The following PPIL4 variants were observed in gnomAD, a reference collection of about 807,000 sequenced individuals.
The protein encoded by PPIL4 is peptidylprolyl isomerase like 4.
PPIL4 carries 50 observed loss-of-function variants against 69.1 expected under a neutral mutation model. That is an observed-to-expected ratio of 0.72 (90% CI 0.58 to 0.92). PPIL4 has a LOEUF of 0.92. Among genes scored for constraint, PPIL4 ranks in the 40% least tolerant of loss-of-function variants. PPIL4 has a pLI of 0.00. For missense variants in PPIL4, 480 were observed against 587.9 expected, an observed-to-expected ratio of 0.82 and a Z score of 1.90; for synonymous variants, 193 against 191.6, an observed-to-expected ratio of 1.01 and a Z score of -0.06.
chr6:149,513,059 A>G (rs921515205), intron 11 of PPIL4, among the ~76,000 whole-genome samples: 2 of 150,124 alleles, frequency 1.3e-5, no homozygotes, highest in Non-Finnish European at 3.0e-5. Context: ...TTAAATTCTA[A>G]TAAGAATTTA....
At chr6:149,533,436 T>C (rs1190557958) in intron 7 of PPIL4, 22 bp downstream of exon 7, 2 of 1,273,300 alleles carry the variant, frequency 1.6e-6, no homozygotes, top group Non-Finnish European at 2.3e-6. Flanking sequence ...CAGAACAATT[T>C]GAACAAAGAT....
chr6:149,530,956 C>T (rs1284646617), intron 7 of PPIL4, among the ~76,000 whole-genome samples: 1 of 152,188 alleles, frequency 6.6e-6, no homozygotes, highest in Non-Finnish European at 1.5e-5. Context: ...CAATGAATAT[C>T]GTACACCTCC....
At chr6:149,510,051 C>T (rs1007714059) in intron 12 of PPIL4, among the ~76,000 whole-genome samples, 1 of 152,000 alleles carries the variant, frequency 6.6e-6, no homozygotes, top group African/African-American at 2.4e-5. Flanking sequence ...TGAGCCACTG[C>T]ACCTGGCCTA....
At chr6:149,536,738 CAAAAAAA>C (rs750303522) in intron 4 of PPIL4, among the ~76,000 whole-genome samples, 1 of 102,312 alleles carries the variant, frequency 9.8e-6, no homozygotes, top group Non-Finnish European at 2.2e-5. Context: ...TACTCCATCT[CAAAAAAA>C]AAAAAAAAAG....
Position 149,507,503 on chromosome 6 carries a change from T to G in PPIL4, c.1228-1799A>C, listed in dbSNP as rs1005549666. Among the ~76,000 whole-genome samples, 25 of 152,224 alleles carry G rather than the reference T, an allele frequency of 1.6e-4. No homozygotes were observed. In the East Asian group the frequency reaches 4.6e-3, roughly 28 times the overall value. On this transcript the variant is annotated intron_variant, in intron 12 of 12. Coordinates refer to ENST00000253329, the MANE Select transcript of PPIL4 (RefSeq NM_139126.4). Reference sequence around the variant, plus strand: ...CTATAACATATACAAAATAGAAATATTCATATACTATTATATCTGTACATC... The same window carrying G: ...CTATAACATATACAAAATAGAAATAGTCATATACTATTATATCTGTACATC...
intron 9 of PPIL4, 53 bp from the exon 10 acceptor site, chr6:149,521,224 T>C: frequency 9.7e-7 from 1 of 1,035,966 alleles, no homozygotes; most frequent in Non-Finnish European, 1.5e-6. Flanking sequence ...AAGATTTCTG[T>C]AGCTAGAATA....
intron 11 of PPIL4, among the ~76,000 whole-genome samples, chr6:149,514,614 G>A (rs570505651): frequency 2.6e-5 from 4 of 151,036 alleles, no homozygotes; most frequent in South Asian, 4.2e-4. Flanking sequence ...GAGCCACTGC[G>A]CCTGGCTCAG....
intron 9 of PPIL4, among the ~76,000 whole-genome samples, chr6:149,524,091 T>A (rs1167357251): frequency 6.6e-6 from 1 of 152,200 alleles, no homozygotes; most frequent in Non-Finnish European, 1.5e-5. Context: ...TGGATACATA[T>A]GAGTCCAAAG....
At chr6:149,536,310 C>CA (rs1338491108) in intron 4 of PPIL4, among the ~76,000 whole-genome samples, 1 of 151,800 alleles carries the variant, frequency 6.6e-6, no homozygotes, top group Non-Finnish European at 1.5e-5. Context: ...CTTAAGTGTT[C>CA]AAGTAAAAGG....
At chr6:149,523,964 T>C (rs1777068735) in intron 9 of PPIL4, among the ~76,000 whole-genome samples, 1 of 152,206 alleles carries the variant, frequency 6.6e-6, no homozygotes, top group Non-Finnish European at 1.5e-5. Flanking sequence ...TTATGGTCTA[T>C]CTTCCCCAAC....
At chr6:149,523,456 C>T (rs1217947355) in intron 9 of PPIL4, among the ~76,000 whole-genome samples, 6 of 152,060 alleles carry the variant, frequency 3.9e-5, no homozygotes. Flanking sequence ...TTTGGGAGGC[C>T]AAGGCAGGTG....
chr6:149,534,702 T>C lies in PPIL4; in HGVS notation c.537A>G (p.Pro179=), dbSNP rs773563220. 2.0e-5 allele frequency: 31 copies of C among 1,582,898 alleles called. No individual in the cohort carries two copies. Among genetic ancestry groups the C allele is most frequent in the Non-Finnish European group, 2.7e-5 (31 of 1,155,612 alleles). ...CATCTAATTGTTCCCTTGTAGGTTC[T>C]GGTGATCGATCAGGGATTAATAAAT... ...PPDLLIPDRS[P]EPTREQLDSG... is the part of the protein sequence containing the mutation. The change falls in exon 6 of 13, where the codon CCA becomes CCG. Residue 179 remains proline, a synonymous_variant. Transcript: ENST00000253329.
chr6:149,541,653 A>G, intron 1 of PPIL4, 67 bp from the exon 2 acceptor site: 1 of 894,568 alleles, frequency 1.1e-6, no homozygotes, highest in South Asian at 1.4e-5. Context: ...AAGTAAAGCC[A>G]CAGTAAAATG....
At chr6:149,526,505 T>G (rs1475082757) in intron 8 of PPIL4, 147 bp downstream of exon 8, 2 of 651,390 alleles carry the variant, frequency 3.1e-6, no homozygotes, top group Non-Finnish European at 5.3e-6. Context: ...TATACTTTTC[T>G]TCCCTACTGT....
At chr6:149,516,859 A>C (rs899407210) in intron 11 of PPIL4, 7 of 152,316 alleles carry the variant, frequency 4.6e-5, no homozygotes, top group African/African-American at 9.6e-5. Flanking sequence ...GAAGTTAAAC[A>C]TAACAGCAGG....
chr6:149,521,094 G>C lies in PPIL4; in HGVS notation c.948C>G (p.Ser316Arg). 1 of 1,604,496 alleles carries C rather than the reference G, an allele frequency of 6.2e-7. No individual in the cohort carries two copies. The highest frequency in any genetic ancestry group is 8.5e-7 in the Non-Finnish European group (1 of 1,173,042). Residue 316 changes from serine (S) to arginine (R), a missense_variant, in exon 10 of 13, where the codon AGC (serine) becomes AGG (arginine). Ser to Arg is a moderately radical substitution (Grantham distance 110). Coordinates refer to ENST00000253329, the MANE Select transcript of PPIL4 (RefSeq NM_139126.4). ...IDDRRIHVDF[S>R]QSVAKVKWKG... ...TCCATTTAACCTTTGCAACCGACTGGCTAAAATCCACATGTATTCTTCTGT... is the reference window on the plus strand; with the variant it reads ...TCCATTTAACCTTTGCAACCGACTGCCTAAAATCCACATGTATTCTTCTGT...
At position 149,534,819 on chromosome 6, in the gene PPIL4, T is replaced by A. The variant is rs759783330; in HGVS notation, c.465-45A>T. 3 of 1,137,258 alleles carry A rather than the reference T, an allele frequency of 2.6e-6. No homozygotes were observed. The African/African-American group carries it at 4.7e-5, about 18-fold the overall frequency. The allele number at this position is 1,137,258 out of a possible 1,614,324, so 70.4% of individuals were successfully genotyped here. ...TCAAATGTTATACATTGAAGTTATTTCAGAATCCTATTTTATTTTAATAGA... is the reference window on the plus strand; with the variant it reads ...TCAAATGTTATACATTGAAGTTATTACAGAATCCTATTTTATTTTAATAGA... On this transcript the variant is annotated intron_variant, in intron 5 of 12. Transcript: ENST00000253329.
intron 11 of PPIL4, among the ~76,000 whole-genome samples, chr6:149,514,392 G>A (rs1171795125): frequency 6.6e-6 from 1 of 152,138 alleles, no homozygotes; most frequent in African/African-American, 2.4e-5. Context: ...CCTGATCTTG[G>A]CTCCCTGCAA....
chr6:149,524,290 G>A (rs1472570456), intron 9 of PPIL4, among the ~76,000 whole-genome samples: 2 of 152,194 alleles, frequency 1.3e-5, no homozygotes. Flanking sequence ...ACAGAACTGT[G>A]AGGATTAAAT....
Sources: allele counts gnomAD v4.1 joint callset (sites outside exome capture counted in the v4.1 genomes callset), GRCh38; gene constraint gnomAD v4.1.1; transcripts MANE v1.5; gene names NCBI Gene and HGNC (gene_info 2026-07-23, HGNC 2026-07-21).